Variants in UTRN observed in about 807,000 individuals in gnomAD.
The protein encoded by UTRN is dystrophin-related protein 1.
In UTRN, 283 loss-of-function variants were observed where a neutral mutation model predicts 463.9. That is an observed-to-expected ratio of 0.61 (90% CI 0.55 to 0.67). The LOEUF (loss-of-function observed/expected upper bound fraction) is 0.67, where lower values mean the gene tolerates loss of function less well. Ranked by LOEUF, UTRN falls within the 30% of genes least tolerant of loss-of-function variation. The pLI is 0.00. For missense variants in UTRN, 3,922 were observed against 4,084.3 expected (o/e 0.96, Z 1.08); for synonymous variants, 1,442 against 1,431.5 (o/e 1.01, Z -0.17).
intron 2 of UTRN, among the ~76,000 whole-genome samples, chr6:144,299,026 C>T (rs567849695): frequency 1.3e-5 from 2 of 152,300 alleles, no homozygotes; most frequent in African/African-American, 4.8e-5. Flanking sequence ...GAGGTTGATA[C>T]TAATTGATTT....
chr6:144,361,451 G>C (rs1760943462), intron 2 of UTRN, among the ~76,000 whole-genome samples: 1 of 152,176 alleles, frequency 6.6e-6, no homozygotes, highest in Admixed American at 6.5e-5. Context: ...CTATGTTTGA[G>C]TTAAAACCAT....
intron 52 of UTRN, among the ~76,000 whole-genome samples, chr6:144,692,199 C>T (rs1278311876): frequency 1.3e-5 from 2 of 152,188 alleles, no homozygotes; most frequent in Non-Finnish European, 2.9e-5. Flanking sequence ...AGCTTCATCC[C>T]TGTTCCTGCA....
At chr6:144,809,215 G>A (rs1778399960) in intron 65 of UTRN, among the ~76,000 whole-genome samples, 1 of 152,070 alleles carries the variant, frequency 6.6e-6, no homozygotes, top group Non-Finnish European at 1.5e-5. Context: ...TAAATACTAA[G>A]GATAATGGAA....
chr6:144,642,231 G>C (rs1777845779), intron 51 of UTRN, among the ~76,000 whole-genome samples: 1 of 152,116 alleles, frequency 6.6e-6, no homozygotes, highest in African/African-American at 2.4e-5. Context: ...TAACAGGTGT[G>C]GATTTAATAT....
intron 2 of UTRN, among the ~76,000 whole-genome samples, chr6:144,398,981 T>C (rs1005623740): frequency 6.6e-5 from 10 of 152,220 alleles, no homozygotes; most frequent in Non-Finnish European, 1.5e-4. Flanking sequence ...AAAATATCAT[T>C]TGAAATGTTA....
intron 51 of UTRN, among the ~76,000 whole-genome samples, chr6:144,627,126 G>T (rs1344211500): frequency 6.7e-6 from 1 of 150,364 alleles, no homozygotes; most frequent in Non-Finnish European, 1.5e-5. Flanking sequence ...GGGGGCTGGG[G>T]AGGAGCATGG....
intron 73 of UTRN, among the ~76,000 whole-genome samples, chr6:144,842,205 T>C (rs1246988978): frequency 6.6e-6 from 1 of 151,670 alleles, no homozygotes; most frequent in Non-Finnish European, 1.5e-5. Flanking sequence ...ATTGACTTCA[T>C]TTAAAGATTA....
chr6:144,733,841 G>A (rs1015124984), intron 54 of UTRN, among the ~76,000 whole-genome samples: 1 of 152,160 alleles, frequency 6.6e-6, no homozygotes, highest in African/African-American at 2.4e-5. Flanking sequence ...GCCCAGTCCT[G>A]TTGGATATCT....
At chr6:144,487,446 G>T in intron 28 of UTRN, 102 bp from the exon 29 acceptor site, 2 of 1,225,580 alleles carry the variant, frequency 1.6e-6, no homozygotes, top group Non-Finnish European at 1.1e-6. Flanking sequence ...TAGATTTTTA[G>T]AAAATATAAT....
intron 51 of UTRN, among the ~76,000 whole-genome samples, chr6:144,599,210 A>T (rs1475073238): frequency 1.3e-5 from 2 of 152,178 alleles, no homozygotes; most frequent in Non-Finnish European, 2.9e-5. Context: ...CCTGATATAT[A>T]CCTGATTTAG....
intron 51 of UTRN, among the ~76,000 whole-genome samples, chr6:144,650,899 ACT>A (rs1183515460): frequency 6.6e-6 from 1 of 151,862 alleles, no homozygotes; most frequent in Non-Finnish European, 1.5e-5. Context: ...ACAGAGCAAG[ACT>A]CTGTCTCAAA....
At chr6:144,298,685 G>C (rs1380994292) in intron 2 of UTRN, among the ~76,000 whole-genome samples, 1 of 152,158 alleles carries the variant, frequency 6.6e-6, no homozygotes, top group Non-Finnish European at 1.5e-5. Context: ...GCCTTTTTTG[G>C]TATGTGGACG....
intron 2 of UTRN, among the ~76,000 whole-genome samples, chr6:144,310,603 G>A (rs993677290): frequency 6.7e-6 from 1 of 150,146 alleles, no homozygotes; most frequent in Non-Finnish European, 1.5e-5. Flanking sequence ...CTGGGAGGCC[G>A]AGGTGGGGAG....
Position 144,462,634 on chromosome 6 carries a change from T to A in UTRN, c.2854-20T>A. On this transcript the variant is annotated intron_variant, in intron 22 of 74. Transcript: ENST00000367545. ...GACACATTTTTGTGCATATTTTTAA[T>A]CTTTTAAAACTTTTTCCAGACCCTT... The A allele has an allele frequency of 6.3e-7, 1 of 1,580,876 alleles. No homozygotes were observed. The highest frequency in any genetic ancestry group is 8.6e-7 in the Non-Finnish European group (1 of 1,167,462).
In UTRN at chr6:144,590,880, ATG is replaced by A. The variant is rs1374541295; in HGVS notation, c.7479+13593_7479+13594del. ...CACACACACACACACACACACGCACATGCACACACACACACACACATAAGGTT... is the reference window on the plus strand; with the variant it reads ...CACACACACACACACACACACGCACACACACACACACACACACATAAGGTT... On this transcript the variant is annotated intron_variant, in intron 51 of 74. Transcript: ENST00000367545. 3.5e-5 allele frequency among the ~76,000 whole-genome samples: 4 copies of A among 113,716 alleles called. No homozygotes were observed. The East Asian group carries it at 6.5e-4, about 18-fold the overall frequency. The allele number at this position is 113,716 out of a possible 152,430, so 74.6% of individuals were successfully genotyped here.
In UTRN at chr6:144,522,177, C is replaced by T. The variant is rs571788978; in HGVS notation, c.5733+6C>T. On this transcript the variant is annotated splice_donor_region_variant and intron_variant, in intron 40 of 74. Coordinates refer to ENST00000367545, the MANE Select transcript of UTRN (RefSeq NM_007124.3). ...TTCAGGAAGACTCTCTGAAGGTAGA[C>T]CTCTGGGCACTGTGTTTGAATGGCC... 2.0e-6 allele frequency: 3 copies of T among 1,497,736 alleles called. No homozygotes were observed. The highest frequency in any genetic ancestry group is 2.2e-5 in the Admixed American group (1 of 45,672). 92.8% of individuals were successfully genotyped at this position (1,497,736 alleles called of 1,614,324 possible).
chr6:144,497,269 A>G (rs1020731409), intron 33 of UTRN, among the ~76,000 whole-genome samples: 4 of 152,134 alleles, frequency 2.6e-5, no homozygotes. Flanking sequence ...GATTTCAGAC[A>G]TATGTAGGAA....
rs371937365 is a variant in UTRN at position 144,295,093 on chromosome 6, G to C, written c.79+3186G>C. Among the ~76,000 whole-genome samples, 3 of 152,276 alleles carry C rather than the reference G, an allele frequency of 2.0e-5. 1 individual carries two copies. On this transcript the variant is annotated intron_variant, in intron 2 of 74. Coordinates refer to ENST00000367545, the MANE Select transcript of UTRN (RefSeq NM_007124.3). ...TAACAGCCTTAATTAGTAGGCTTTA[G>C]AAAGTTCAACAAGTTAGTAAATATT...
intron 51 of UTRN, among the ~76,000 whole-genome samples, chr6:144,661,673 T>C (rs184619999): frequency 6.6e-6 from 1 of 152,142 alleles, no homozygotes; most frequent in Non-Finnish European, 1.5e-5. Flanking sequence ...GTTTCTTCCT[T>C]TAAAGGTATA....
Sources: allele counts gnomAD v4.1 joint callset (sites outside exome capture counted in the v4.1 genomes callset), GRCh38; gene constraint gnomAD v4.1.1; transcripts MANE v1.5; gene names NCBI Gene and HGNC (gene_info 2026-07-23, HGNC 2026-07-21).